Variants in APBB2 observed in about 807,000 individuals in gnomAD.
APBB2 encodes Fe65-like 1.
APBB2 carries 38 observed loss-of-function variants against 82.5 expected under a neutral mutation model. The ratio of observed to expected loss-of-function variants is 0.46; its 90% CI spans 0.36 to 0.60. The LOEUF (loss-of-function observed/expected upper bound fraction) is 0.60. Among genes scored for constraint, APBB2 ranks in the 20% least tolerant of loss-of-function variants. APBB2 has a pLI of 0.00. For missense variants in APBB2, 772 were observed against 972.3 expected (o/e 0.79, Z 2.74); for synonymous variants, 341 against 368.2 (o/e 0.93, Z 0.85).
At position 41,168,545 on chromosome 4, in the gene APBB2, T is replaced by C. The variant is rs192041225; in HGVS notation, c.-416-25403A>G. 2.8e-3 allele frequency among the ~76,000 whole-genome samples: 431 copies of C among 152,180 alleles called. 2 individuals are homozygous for C. Among genetic ancestry groups the C allele is most frequent in the African/African-American group, 9.7e-3 (403 of 41,566 alleles). ...ATAATGGGCTTATATTTGTTTTTTA[T>C]AACTTTGTTTTCCTAGTAATTCGTT... On this transcript the variant is annotated intron_variant, in intron 1 of 17. Coordinates refer to ENST00000508593, the MANE Select transcript of APBB2 (RefSeq NM_004307.2).
chr4:41,126,002 T>TTGTAGCACAG (rs1754266218), intron 2 of APBB2, among the ~76,000 whole-genome samples: 1 of 152,138 alleles, frequency 6.6e-6, no homozygotes, highest in Non-Finnish European at 1.5e-5. Flanking sequence ...AGTTGTAAGA[T>TTGTAGCACAG]AAGCACCTCA....
intron 11 of APBB2, chr4:40,893,035 T>C (rs1216970674): frequency 7.7e-5 from 31 of 403,738 alleles, no homozygotes; most frequent in Non-Finnish European, 1.3e-4. Flanking sequence ...TCTGTGTCCT[T>C]AGCTACTGAG....
chr4:40,819,409 C>T (rs1366277460), intron 17 of APBB2, among the ~76,000 whole-genome samples: 1 of 151,904 alleles, frequency 6.6e-6, no homozygotes, highest in Non-Finnish European at 1.5e-5. Context: ...TGGTCTCAAC[C>T]TCCTGACCTC....
chr4:41,036,188 A>G (rs1272948502), intron 4 of APBB2, among the ~76,000 whole-genome samples: 1 of 152,182 alleles, frequency 6.6e-6, no homozygotes, highest in African/African-American at 2.4e-5. Context: ...AAAAGTATAC[A>G]GGAGGATGTT....
rs112759576 is a variant in APBB2 at position 41,022,490 on chromosome 4, A to G, written c.20-8092T>C. Reference sequence around the variant, plus strand: ...CAGTACCCTTCCTTCCCTCCAGCAAATTCCTACTCCTCTTTGAAGATTCAG... The same window carrying G: ...CAGTACCCTTCCTTCCCTCCAGCAAGTTCCTACTCCTCTTTGAAGATTCAG... On this transcript the variant is annotated intron_variant, in intron 5 of 17. Coordinates refer to ENST00000508593, the MANE Select transcript of APBB2 (RefSeq NM_004307.2). Among the ~76,000 whole-genome samples, 11 of 152,186 alleles carry G rather than the reference A, an allele frequency of 7.2e-5. 1 individual carries two copies. Among genetic ancestry groups the G allele is most frequent in the African/African-American group, 2.4e-4 (10 of 41,480 alleles).
intron 2 of APBB2, among the ~76,000 whole-genome samples, chr4:41,133,388 A>G (rs12502476): frequency 0.94 from 143,795 of 152,184 alleles, 68,223 homozygotes; most frequent in Non-Finnish European, 0.99. Context: ...ACGTGCTGGA[A>G]GTATCACAAC....
intron 3 of APBB2, among the ~76,000 whole-genome samples, chr4:41,086,949 CAA>C (rs1354150483): frequency 2.2e-4 from 27 of 121,878 alleles, no homozygotes; most frequent in Admixed American, 9.2e-4. Context: ...CACACACACA[CAA>C]AAAACCTGTC....
chr4:41,151,969 A>C (rs1312313603), intron 1 of APBB2, among the ~76,000 whole-genome samples: 1 of 152,044 alleles, frequency 6.6e-6, no homozygotes, highest in African/African-American at 2.4e-5. Context: ...TACTCTTATT[A>C]TCTTTCTGGA....
chr4:41,036,812 T>A (rs1719365871), intron 4 of APBB2, among the ~76,000 whole-genome samples: 1 of 152,212 alleles, frequency 6.6e-6, no homozygotes, highest in African/African-American at 2.4e-5. Context: ...GCAGAACTTT[T>A]TCCCCTAGAC....
intron 12 of APBB2, among the ~76,000 whole-genome samples, chr4:40,869,314 G>A (rs751063352): frequency 3.2e-4 from 49 of 152,190 alleles, no homozygotes; most frequent in Non-Finnish European, 5.3e-4. Context: ...GGGCACAGTG[G>A]CCCACAACTG....
intron 1 of APBB2, among the ~76,000 whole-genome samples, chr4:41,197,091 C>A: frequency 0.086 from 13,167 of 152,234 alleles, 758 homozygotes; most frequent in African/African-American, 0.16. Context: ...ACAACAAAAT[C>A]ATGTTGGCTC....
intron 6 of APBB2, among the ~76,000 whole-genome samples, chr4:40,950,441 G>T (rs4600953): frequency 0.25 from 38,683 of 152,030 alleles, 4,941 homozygotes; most frequent in African/African-American, 0.27. Context: ...GCCAGGCACA[G>T]TGGCTCATGC....
intron 1 of APBB2, among the ~76,000 whole-genome samples, chr4:41,158,882 G>A (rs1167578088): frequency 6.6e-6 from 1 of 152,166 alleles, no homozygotes; most frequent in Non-Finnish European, 1.5e-5. Flanking sequence ...GGAGCAGAGA[G>A]GTTCCTAGCA....
intron 3 of APBB2, among the ~76,000 whole-genome samples, chr4:41,094,585 G>T (rs1316494956): frequency 1.3e-5 from 2 of 152,098 alleles, no homozygotes; most frequent in Non-Finnish European, 2.9e-5. Flanking sequence ...CTTTTTTTAA[G>T]AGGGAGTCTC....
At chr4:41,013,536 T>C in intron 6 of APBB2, 47 bp downstream of exon 6, 1 of 1,228,846 alleles carries the variant, frequency 8.1e-7, no homozygotes, top group South Asian at 1.5e-5. Flanking sequence ...GTTGAAAAGA[T>C]AAAAAAAAAA....
chr4:41,179,538 C>T (rs1770767344), intron 1 of APBB2, among the ~76,000 whole-genome samples: 1 of 152,074 alleles, frequency 6.6e-6, no homozygotes, highest in African/African-American at 2.4e-5. Context: ...CAAAAGAACA[C>T]ACAATTAAAA....
intron 7 of APBB2, among the ~76,000 whole-genome samples, chr4:40,943,157 C>G (rs1396303606): frequency 1.3e-5 from 2 of 152,176 alleles, no homozygotes; most frequent in African/African-American, 4.8e-5. Flanking sequence ...GACCTAGGAT[C>G]TGGGAGGATT....
intron 1 of APBB2, among the ~76,000 whole-genome samples, chr4:41,201,957 C>T (rs1181520455): frequency 1.3e-5 from 2 of 152,160 alleles, no homozygotes; most frequent in Admixed American, 1.3e-4. Flanking sequence ...GGCGTCTATA[C>T]CCTCCCAGCT....
intron 10 of APBB2, among the ~76,000 whole-genome samples, chr4:40,901,329 T>C (rs545849467): frequency 3.3e-4 from 50 of 152,190 alleles, no homozygotes; most frequent in South Asian, 2.5e-3. Flanking sequence ...CCCCCAATCC[T>C]GACATATCAT....
Sources: gnomAD v4.1 joint callset for allele counts (sites outside exome capture counted in the v4.1 genomes callset) on GRCh38, gnomAD v4.1.1 for gene constraint, MANE v1.5 for transcripts, NCBI Gene and HGNC (gene_info 2026-07-23, HGNC 2026-07-21) for gene names.